The following CHST9 variants were observed in gnomAD, a reference collection of about 807,000 sequenced individuals.
The protein encoded by CHST9 is carbohydrate sulfotransferase 9, also known as GalNAc-4-sulfotransferase 2.
Under a neutral mutation model 44.4 loss-of-function variants are expected in CHST9, and 41 were observed. That is an observed-to-expected ratio of 0.92 (90% CI 0.72 to 1.20). The LOEUF is 1.20. Ranked by LOEUF, CHST9 falls within the 50% of genes most tolerant of loss-of-function variation. The pLI is 0.00. For missense variants in CHST9, 504 were observed against 516.5 expected, an observed-to-expected ratio of 0.98 and a Z score of 0.23; for synonymous variants, 171 against 178.4, an observed-to-expected ratio of 0.96 and a Z score of 0.33.
chr18:26,943,608 T>A (rs538190315), intron 5 of CHST9, among the ~76,000 whole-genome samples: 4 of 152,358 alleles, frequency 2.6e-5, no homozygotes, highest in African/African-American at 9.6e-5. Context: ...CTGCATTCTC[T>A]GACTCTAGTG....
intron 2 of CHST9, among the ~76,000 whole-genome samples, chr18:27,092,894 T>A (rs1474596901): frequency 2.6e-5 from 4 of 152,158 alleles, no homozygotes; most frequent in African/African-American, 4.8e-5. Flanking sequence ...ATAAGTGCGG[T>A]GTGGTGCCGA....
intron 2 of CHST9, among the ~76,000 whole-genome samples, chr18:27,128,666 T>C (rs527873540): frequency 1.6e-4 from 25 of 152,208 alleles, no homozygotes; most frequent in Non-Finnish European, 3.2e-4. Flanking sequence ...TCTACTTAAC[T>C]AGTAGCAAGA....
chr18:26,970,069 C>T (rs1014005619), intron 4 of CHST9, among the ~76,000 whole-genome samples: 11 of 152,086 alleles, frequency 7.2e-5, no homozygotes, highest in Admixed American at 7.2e-4. Context: ...CTTCCTTGGC[C>T]ATTACCATGG....
chr18:27,128,588 AG>A (rs1160704978), intron 2 of CHST9, among the ~76,000 whole-genome samples: 2 of 152,208 alleles, frequency 1.3e-5, no homozygotes, highest in Non-Finnish European at 2.9e-5. Flanking sequence ...AAGTGAATCC[AG>A]GAACAGTAAA....
At chr18:26,945,096 GAGAAA>G (rs1387996806) in intron 4 of CHST9, among the ~76,000 whole-genome samples, 1 of 152,194 alleles carries the variant, frequency 6.6e-6, no homozygotes, top group Non-Finnish European at 1.5e-5. Context: ...AACAAACCAT[GAGAAA>G]AGAAAAGAGA....
chr18:27,149,320 G>T (rs1169359349), intron 1 of CHST9, among the ~76,000 whole-genome samples: 1 of 152,012 alleles, frequency 6.6e-6, no homozygotes, highest in African/African-American at 2.4e-5. Flanking sequence ...TTTTAGACAC[G>T]AAGTCTAATA....
intron 4 of CHST9, among the ~76,000 whole-genome samples, chr18:27,020,883 C>T (rs1053257207): frequency 1.3e-5 from 2 of 152,100 alleles, no homozygotes; most frequent in African/African-American, 4.8e-5. Context: ...GGACGCTGAA[C>T]ATTTTCCTAG....
intron 1 of CHST9, among the ~76,000 whole-genome samples, chr18:27,178,625 C>T (rs1363477849): frequency 6.7e-6 from 1 of 150,244 alleles, no homozygotes; most frequent in African/African-American, 2.5e-5. Context: ...ATCTTCAAAA[C>T]CCTCTAATCT....
intron 1 of CHST9, among the ~76,000 whole-genome samples, chr18:27,166,904 A>G (rs2058795069): frequency 2.0e-5 from 3 of 152,220 alleles, no homozygotes; most frequent in Non-Finnish European, 4.4e-5. Context: ...TGATGAACAT[A>G]TGTACTGAAT....
At chr18:27,088,015 A>G (rs1418145214) in intron 2 of CHST9, among the ~76,000 whole-genome samples, 1 of 152,230 alleles carries the variant, frequency 6.6e-6, no homozygotes, top group Non-Finnish European at 1.5e-5. Flanking sequence ...CTTTTCAAAG[A>G]CTGGAATTTT....
At chr18:26,960,459 G>A (rs1325814632) in intron 4 of CHST9, among the ~76,000 whole-genome samples, 2 of 152,172 alleles carry the variant, frequency 1.3e-5, no homozygotes, top group Non-Finnish European at 2.9e-5. Context: ...GTTCTCACTG[G>A]TTGTGGAGTT....
intron 4 of CHST9, among the ~76,000 whole-genome samples, chr18:26,962,797 A>G (rs1289991072): frequency 1.3e-5 from 2 of 152,140 alleles, no homozygotes; most frequent in East Asian, 1.9e-4. Flanking sequence ...AGGCCGCTTC[A>G]GGCAGTATCT....
rs200737260 is a variant in CHST9, at chr18:27,155,104, AAAG to A, written c.-96-12202_-96-12200del. Among the ~76,000 whole-genome samples the A allele has an allele frequency of 2.1e-3, 294 of 142,446 alleles. 3 individuals are homozygous for A. The highest frequency in any genetic ancestry group is 3.6e-3 in the Middle Eastern group (1 of 276). 93.5% of individuals were successfully genotyped at this position (142,446 alleles called of 152,430 possible). On this transcript the variant is annotated intron_variant, in intron 1 of 5. Transcript: ENST00000618847. ...CAAAAGTTAAAAAAAAAAAAAAAAA[AAAG>A]AAGTAACCTCTATGTGCTTCAGTTA...
chr18:27,052,816 A>G (rs1272506741), intron 2 of CHST9, among the ~76,000 whole-genome samples: 1 of 152,024 alleles, frequency 6.6e-6, no homozygotes, highest in African/African-American at 2.4e-5. Flanking sequence ...GCGAACTAAC[A>G]CAGGAACAGA....
At chr18:27,059,639 GA>G (rs974476106) in intron 2 of CHST9, among the ~76,000 whole-genome samples, 5 of 152,156 alleles carry the variant, frequency 3.3e-5, no homozygotes, top group Non-Finnish European at 7.3e-5. Flanking sequence ...TCATCTGGGG[GA>G]AACAAGGACA....
At chr18:27,125,527 A>T (rs1410252503) in intron 2 of CHST9, among the ~76,000 whole-genome samples, 1 of 152,146 alleles carries the variant, frequency 6.6e-6, no homozygotes, top group African/African-American at 2.4e-5. Flanking sequence ...AATAAATTTG[A>T]ACCATTTTTC....
intron 4 of CHST9, among the ~76,000 whole-genome samples, chr18:27,017,337 G>A (rs1021149939): frequency 6.6e-6 from 1 of 152,120 alleles, no homozygotes; most frequent in African/African-American, 2.4e-5. Flanking sequence ...ATTCATAATA[G>A]CCTCAAACTA....
intron 4 of CHST9, among the ~76,000 whole-genome samples, chr18:27,008,599 A>C (rs2057045134): frequency 6.6e-6 from 1 of 152,190 alleles, no homozygotes; most frequent in South Asian, 2.1e-4. Context: ...ATGTTTCTTT[A>C]AGTTGACAAT....
intron 4 of CHST9, among the ~76,000 whole-genome samples, chr18:26,989,463 A>G (rs1177225027): frequency 6.6e-6 from 1 of 152,258 alleles, no homozygotes; most frequent in Non-Finnish European, 1.5e-5. Flanking sequence ...GATTACAAAT[A>G]TCATACATTC....
Sources: allele counts gnomAD v4.1 joint callset (sites outside exome capture counted in the v4.1 genomes callset), GRCh38; gene constraint gnomAD v4.1.1; transcripts MANE v1.5; gene names NCBI Gene and HGNC (gene_info 2026-07-23, HGNC 2026-07-21).